PCDHA10: variants seen among roughly 807,000 people sequenced by gnomAD.
PCDHA10 encodes protocadherin alpha-10.
Under a neutral mutation model 61.2 loss-of-function variants are expected in PCDHA10, and 45 were observed. The ratio of observed to expected loss-of-function variants is 0.74; its 90% CI spans 0.58 to 0.94. The LOEUF is 0.94. Among genes scored for constraint, PCDHA10 ranks in the 40% least tolerant of loss-of-function variants. The probability of loss-of-function intolerance (pLI) is 0.00; values close to 1 mark genes in which losing one functional copy is unlikely to be tolerated. For synonymous variants in PCDHA10, 602 were observed against 548.8 expected (o/e 1.10, Z -1.35); for missense variants, 1,278 against 1,236.2 (o/e 1.03, Z -0.51).
At position 140,857,348 on chromosome 5, in the gene PCDHA10, CT is replaced by C. The variant is rs2044532824; in HGVS notation, c.1301del (p.Leu434ArgfsTer14). 1 of 1,598,398 alleles carries C rather than the reference CT, an allele frequency of 6.3e-7. No individual in the cohort carries two copies. The highest frequency in any genetic ancestry group is 8.6e-7 in the Non-Finnish European group (1 of 1,167,948). On this transcript the variant is annotated frameshift_variant, in exon 1 of 4. Transcript: ENST00000307360. LOFTEE classifies it high-confidence loss of function. ...VTARDGGSPP[L>X]WATASVSVEV... The stretch of plus-strand genomic sequence containing the variant: ...CGCGCGGGACGGGGGCTCGCCTCCG[CT>C]GTGGGCCACGGCCAGCGTGTCTGTG...
intron 1 of PCDHA10, chr5:140,928,859 T>G (rs782758888): frequency 1.2e-6 from 2 of 1,614,176 alleles, no homozygotes; most frequent in Non-Finnish European, 1.7e-6. Flanking sequence ...GGTGTGCTGT[T>G]GAGCAACTCT....
intron 1 of PCDHA10, chr5:140,876,084 A>G: frequency 6.2e-7 from 1 of 1,613,962 alleles, no homozygotes; most frequent in Non-Finnish European, 8.5e-7. Context: ...ACAGAGAGCA[A>G]ACGCCAAAAC....
chr5:140,872,785 C>T (rs781982200), intron 1 of PCDHA10, among the ~76,000 whole-genome samples: 12 of 152,072 alleles, frequency 7.9e-5, no homozygotes, highest in Non-Finnish European at 1.3e-4. Context: ...ATAATATATG[C>T]TAGTTGGCAT....
chr5:140,983,897 G>A (rs155365), intron 3 of PCDHA10, among the ~76,000 whole-genome samples: 149,305 of 152,360 alleles, frequency 0.98, 73,183 homozygotes, highest in Middle Eastern at 1. Flanking sequence ...AAGGGCATTC[G>A]TTGATTCTAA....
intron 1 of PCDHA10, among the ~76,000 whole-genome samples, chr5:140,890,263 A>G (rs1357896634): frequency 6.6e-6 from 1 of 152,194 alleles, no homozygotes; most frequent in Admixed American, 6.5e-5. Flanking sequence ...ACCTGATTGC[A>G]AGCAAGAACC....
At chr5:140,985,075 C>G (rs1477852280) in intron 3 of PCDHA10, among the ~76,000 whole-genome samples, 2 of 151,968 alleles carry the variant, frequency 1.3e-5, no homozygotes, top group Non-Finnish European at 2.9e-5. Context: ...GTAGCTGAGA[C>G]TACAGGCGTG....
chr5:140,966,665 G>A, intron 1 of PCDHA10: 1 of 1,258,258 alleles, frequency 7.9e-7, no homozygotes. Flanking sequence ...GGGGGAGCAG[G>A]CGCAGGGTGG....
intron 1 of PCDHA10, among the ~76,000 whole-genome samples, chr5:140,896,760 T>C (rs562641955): frequency 1.3e-5 from 2 of 152,340 alleles, no homozygotes; most frequent in East Asian, 3.9e-4. Flanking sequence ...ATTAGACCTT[T>C]GTTGGATGCA....
At chr5:140,972,091 C>G (rs1169233514) in intron 1 of PCDHA10, among the ~76,000 whole-genome samples, 3 of 152,164 alleles carry the variant, frequency 2.0e-5, no homozygotes, top group African/African-American at 4.8e-5. Context: ...AGAGTAATTT[C>G]TGGCATAGAA....
intron 1 of PCDHA10, chr5:140,867,337 G>A (rs1299796408): frequency 6.6e-6 from 1 of 152,004 alleles, no homozygotes; most frequent in African/African-American, 2.4e-5. Flanking sequence ...GTTTTGATTA[G>A]AGGCTACTAT....
chr5:140,875,378 T>G, intron 1 of PCDHA10: 1 of 1,458,602 alleles, frequency 6.9e-7, no homozygotes, highest in Non-Finnish European at 9.0e-7. Context: ...TTACTAAATA[T>G]GTACTTACAG....
intron 1 of PCDHA10, among the ~76,000 whole-genome samples, chr5:140,961,952 C>T (rs2095645754): frequency 6.6e-6 from 1 of 151,264 alleles, no homozygotes; most frequent in South Asian, 2.1e-4. Flanking sequence ...GGCATGATCT[C>T]GGCTCACTGC....
chr5:141,001,694 C>A (rs2098032582), intron 3 of PCDHA10, among the ~76,000 whole-genome samples: 1 of 151,662 alleles, frequency 6.6e-6, no homozygotes, highest in African/African-American at 2.4e-5. Flanking sequence ...CCACAGATGG[C>A]GAAATAGGGG....
chr5:140,927,848 G>T (rs1295513512), intron 1 of PCDHA10: 2 of 1,614,180 alleles, frequency 1.2e-6, no homozygotes, highest in Middle Eastern at 3.3e-4. Context: ...GGTGTCTTTG[G>T]TTTAGCTAGC....
intron 1 of PCDHA10, among the ~76,000 whole-genome samples, chr5:140,972,097 T>C (rs1554233843): frequency 1.3e-5 from 2 of 152,196 alleles, no homozygotes; most frequent in South Asian, 2.1e-4. Context: ...ATTTCTGGCA[T>C]AGAAGCAGGT....
chr5:141,009,975 GTAA>G lies in PCDHA10; in HGVS notation c.*43_*45del. The G allele has an allele frequency of 6.3e-7, 1 of 1,585,060 alleles. No individual in the cohort carries two copies. Among genetic ancestry groups the G allele is most frequent in the Non-Finnish European group, 8.6e-7 (1 of 1,168,878 alleles). ...GAAACAAGCCACTTAGCCAGTTTTT[GTAA>G]TAATGGCAAATCTCTCCCATGTAGC... On this transcript the variant is annotated 3_prime_UTR_variant, in exon 4 of 4. Coordinates refer to ENST00000307360, the MANE Select transcript of PCDHA10 (RefSeq NM_018901.4).
chr5:140,939,967 C>T (rs527732118), intron 1 of PCDHA10, among the ~76,000 whole-genome samples: 8 of 152,210 alleles, frequency 5.3e-5, no homozygotes, highest in African/African-American at 1.7e-4. Context: ...AAGTGTTCCA[C>T]GATGAATAGT....
chr5:140,922,074 CA>C (rs1554200639), intron 1 of PCDHA10, among the ~76,000 whole-genome samples: 1 of 151,892 alleles, frequency 6.6e-6, no homozygotes, highest in Non-Finnish European at 1.5e-5. Flanking sequence ...TCCCACTAAG[CA>C]AAAAGTGGTA....
chr5:140,927,275 A>G, intron 1 of PCDHA10: 1 of 1,614,124 alleles, frequency 6.2e-7, no homozygotes, highest in Non-Finnish European at 8.5e-7. Flanking sequence ...CCTGCCGGCG[A>G]CGTGCAGCTG....
Sources: gnomAD v4.1 joint callset for allele counts (sites outside exome capture counted in the v4.1 genomes callset) on GRCh38, gnomAD v4.1.1 for gene constraint, MANE v1.5 for transcripts, NCBI Gene and HGNC (gene_info 2026-07-23, HGNC 2026-07-21) for gene names.